The following SLC4A9 variants were observed in gnomAD, a reference collection of about 807,000 sequenced individuals.
SLC4A9 encodes anion exchange protein 4.
A neutral mutation model predicts 103.2 loss-of-function variants in SLC4A9; 102 were observed. The ratio of observed to expected loss-of-function variants is 0.99; its 90% CI spans 0.84 to 1.17. SLC4A9 has a LOEUF of 1.17. SLC4A9 is among the 50% of genes most tolerant of loss of function. The probability of loss-of-function intolerance (pLI) is 0.00; values close to 1 mark genes in which losing one functional copy is unlikely to be tolerated. For synonymous variants in SLC4A9, 453 were observed against 483.6 expected (o/e 0.94, Z 0.83); for missense variants, 1,091 against 1,193.7 (o/e 0.91, Z 1.27).
At chr5:140,372,143 A>C in intron 19 of SLC4A9, 99 bp from the exon 20 acceptor site, 1 of 1,075,726 alleles carries the variant, frequency 9.3e-7, no homozygotes, top group Non-Finnish European at 1.3e-6. Context: ...AAACTGATAT[A>C]CAATGCCTAG....
chr5:140,361,174 G>A, intron 2 of SLC4A9, 80 bp from the exon 3 acceptor site: 1 of 1,344,826 alleles, frequency 7.4e-7, no homozygotes, highest in East Asian at 2.5e-5. Context: ...GAAGGGAAAG[G>A]TGTCTGGGCA....
Position 140,363,973 on chromosome 5 carries a change from G to A in SLC4A9, c.1254+71G>A, listed in dbSNP as rs1352763313. On this transcript the variant is annotated intron_variant, in intron 9 of 21. Transcript: ENST00000506757. The surrounding 1 kb of genome is among the most constrained non-coding windows in gnomAD (Gnocchi z 4.5). The stretch of plus-strand genomic sequence containing the variant: ...TCCATCCCTTCCCCTGGGACTATGG[G>A]TAAGTTAAGGAGGCTCTCCCAAAGC... 2 of 1,569,446 alleles carry A rather than the reference G, an allele frequency of 1.3e-6. No individual in the cohort carries two copies. Among genetic ancestry groups the A allele is most frequent in the Admixed American group, 1.8e-5 (1 of 55,002 alleles).
At position 140,366,027 on chromosome 5, in the gene SLC4A9, G is replaced by A. The variant is rs1409108789; in HGVS notation, c.1899+5G>A. The A allele has an allele frequency of 6.2e-7, 1 of 1,613,750 alleles. No homozygotes were observed. The highest frequency in any genetic ancestry group is 8.5e-7 in the Non-Finnish European group (1 of 1,179,776). ...AGCCGCTTCTTCCCCTCTGTGGTGA[G>A]TTTCACCTTTCTTTCTGTGGGAGAG... On this transcript the variant is annotated splice_donor_5th_base_variant and intron_variant, in intron 13 of 21. Coordinates refer to ENST00000506757, the MANE Select transcript of SLC4A9 (RefSeq NM_031467.3).
Position 140,367,884 on chromosome 5 carries a change from C to G in SLC4A9, c.2340C>G (p.Asn780Lys). ...CCTGTGCCCCCGGGGAGCGCCCCAACTTCCTGGGTATCAGGTGAGGGCGGT... is the reference window on the plus strand; with the variant it reads ...CCTGTGCCCCCGGGGAGCGCCCCAAGTTCCTGGGTATCAGGTGAGGGCGGT... ...SRACAPGERPNFLGIREQRLT... is the reference protein window; with the variant it reads ...SRACAPGERPKFLGIREQRLT... Residue 780 changes from asparagine (N) to lysine (K), a missense_variant, in exon 16 of 22, where the codon AAC becomes AAG. Coordinates refer to ENST00000506757, the MANE Select transcript of SLC4A9 (RefSeq NM_031467.3). The G allele has an allele frequency of 6.2e-7, 1 of 1,613,868 alleles. No individual in the cohort carries two copies. The highest frequency in any genetic ancestry group is 8.5e-7 in the Non-Finnish European group (1 of 1,179,838).
intron 11 of SLC4A9, among the ~76,000 whole-genome samples, chr5:140,365,230 G>C (rs1353551741): frequency 6.6e-6 from 1 of 152,194 alleles, no homozygotes; most frequent in Non-Finnish European, 1.5e-5. Flanking sequence ...TTCTAGCCCT[G>C]GTGGAAACAC....
In SLC4A9 at chr5:140,365,616, G is replaced by C. The variant is rs1373474640; in HGVS notation, c.1710+38G>C. 3 of 1,598,708 alleles carry C rather than the reference G, an allele frequency of 1.9e-6. No individual in the cohort carries two copies. The South Asian group carries it at 3.4e-5, about 18-fold the overall frequency. ...TCCTGGGAGGTTCTAGGAAGGAAAG[G>C]GTGGAGACCAAGGCAGTCGGTGGTT... On this transcript the variant is annotated intron_variant, in intron 12 of 21. Coordinates refer to ENST00000506757, the MANE Select transcript of SLC4A9 (RefSeq NM_031467.3).
intron 1 of SLC4A9, 171 bp downstream of exon 1, chr5:140,360,637 G>A: frequency 8.4e-7 from 1 of 1,185,534 alleles, no homozygotes; most frequent in Non-Finnish European, 1.2e-6. Flanking sequence ...CTGCAGTCTA[G>A]TTTTGAGATC....
rs1391001804 is a variant in SLC4A9, at chr5:140,363,911, G to A, written c.1254+9G>A. ...CCACTGATGGTGCCCAGGTGGGTAG[G>A]GCCCAGGGGGCAGGCACAAGCGTTG... On this transcript the variant is annotated intron_variant, in intron 9 of 21. Coordinates refer to ENST00000506757, the MANE Select transcript of SLC4A9 (RefSeq NM_031467.3). The surrounding 1 kb of genome is among the most constrained non-coding windows in gnomAD (Gnocchi z 4.5). 2 of 1,612,606 alleles carry A rather than the reference G, an allele frequency of 1.2e-6. No homozygotes were observed. The highest frequency in any genetic ancestry group is 1.1e-5 in the South Asian group (1 of 91,068).
chr5:140,362,961 C>T lies in SLC4A9; in HGVS notation c.857C>T (p.Ala286Val). 6.2e-7 allele frequency: 1 copy of T among 1,613,780 alleles called. No individual in the cohort carries two copies. Among genetic ancestry groups the T allele is most frequent in the South Asian group, 1.1e-5 (1 of 91,054 alleles). ...GCCAGCAACCTTCATGACCTTCTGGCAGCCCTGGATGCATTCCTAGAGGAG... is the reference window on the plus strand; with the variant it reads ...GCCAGCAACCTTCATGACCTTCTGGTAGCCCTGGATGCATTCCTAGAGGAG... ...RRASNLHDLLAALDAFLEEVT... is the reference protein window; with the variant it reads ...RRASNLHDLLVALDAFLEEVT... Residue 286 changes from alanine to valine, a missense_variant, in exon 7 of 22, where the codon GCA (alanine) becomes GTA (valine). By Grantham distance (64) the Ala-to-Val change is moderately conservative (BLOSUM62 0). Transcript: ENST00000506757.
intron 20 of SLC4A9, 141 bp downstream of exon 20, chr5:140,372,538 T>C (rs765754848): frequency 3.0e-5 from 44 of 1,468,968 alleles, no homozygotes; most frequent in Non-Finnish European, 3.8e-5. Context: ...TGTATGGACA[T>C]AGGCAGACTG....
At chr5:140,361,886 CCCTTT>C (rs148468134) in intron 4 of SLC4A9, 23 bp downstream of exon 4, 93,732 of 1,613,606 alleles carry the variant, frequency 0.058, 3,111 homozygotes, top group Admixed American at 0.11. Flanking sequence ...TCCTTGGGGT[CCCTTT>C]CCAGTGGCTG....
chr5:140,364,294 A>G lies in SLC4A9; in HGVS notation c.1389-69A>G, dbSNP rs1447127120. The G allele has an allele frequency of 5.6e-6, 9 of 1,600,750 alleles. No individual in the cohort carries two copies. The Admixed American group carries it at 1.5e-4, about 27-fold the overall frequency. ...GAGCTATCTGTTTGGGTTGAGGGAC[A>G]CCTGACCTGGGTTTAGTGGGAAGCA... On this transcript the variant is annotated intron_variant, in intron 10 of 21. Transcript: ENST00000506757.
chr5:140,369,358 C>G (rs1768362873), intron 17 of SLC4A9, among the ~76,000 whole-genome samples: 1 of 151,820 alleles, frequency 6.6e-6, no homozygotes, highest in African/African-American at 2.4e-5. Context: ...TCTCCTTCAC[C>G]AGAGGTATAT....
At position 140,360,329 on chromosome 5, in the gene SLC4A9, T is replaced by C; in HGVS notation, c.93T>C (p.Pro31=). 1 of 1,612,084 alleles carries C rather than the reference T, an allele frequency of 6.2e-7. No homozygotes were observed. The highest frequency in any genetic ancestry group is 8.5e-7 in the Non-Finnish European group (1 of 1,179,076). The change falls in exon 1 of 22, where the codon CCT becomes CCC. Residue 31 remains proline (P), a synonymous_variant. Coordinates refer to ENST00000506757, the MANE Select transcript of SLC4A9 (RefSeq NM_031467.3). ...GGGAGCTGGACAGCAACCCTGACCC[T>C]GGCACCGGCCCCAGCCCTGATGGCC... The part of the protein sequence containing the change: ...PSGELDSNPD[P]GTGPSPDGPS...
chr5:140,363,194 A>C lies in SLC4A9; in HGVS notation c.962+128A>C. ...TATCTTTGGATTTGGAGTCAGGCAG[A>C]CCTAACTCTGAGTTCTGCTGGACTA... On this transcript the variant is annotated intron_variant, in intron 7 of 21. Transcript: ENST00000506757. The surrounding 1 kb of genome is among the most constrained non-coding windows in gnomAD (Gnocchi z 4.5). 1 of 1,265,390 alleles carries C rather than the reference A, an allele frequency of 7.9e-7. No individual in the cohort carries two copies. The allele number at this position is 1,265,390 out of a possible 1,614,324, so 78.4% of individuals were successfully genotyped here.
Position 140,367,560 on chromosome 5 carries a change from C to T in SLC4A9, c.2154C>T (p.Asn718=), listed in dbSNP as rs1422042602. The stretch of plus-strand genomic sequence containing the variant: ...AACAGATCACAGCAGTCATCCTCAA[C>T]CGCATGGAATACAGACTGCAGGTAA... ...MDQQITAVIL[N]RMEYRLQKGA... Residue 718 remains asparagine, a synonymous_variant, in exon 15 of 22, where the codon AAC becomes AAT. Transcript: ENST00000506757. 1.9e-6 allele frequency: 3 copies of T among 1,603,570 alleles called. No homozygotes were observed. Among genetic ancestry groups the T allele is most frequent in the African/African-American group, 2.7e-5 (2 of 74,640 alleles).
Position 140,363,172 on chromosome 5 carries a change from C to G in SLC4A9, c.962+106C>G. On this transcript the variant is annotated intron_variant, in intron 7 of 21. Transcript: ENST00000506757. This position sits in a 1 kb window ranked among gnomAD's most constrained non-coding sequence, Gnocchi z 4.5. ...TCCCAGGAAAGAGATAGGGACCTAT[C>G]TTTGGATTTGGAGTCAGGCAGACCT... 1 of 1,438,634 alleles carries G rather than the reference C, an allele frequency of 7.0e-7. No homozygotes were observed. The highest frequency in any genetic ancestry group is 9.4e-7 in the Non-Finnish European group (1 of 1,066,302). The allele number at this position is 1,438,634 out of a possible 1,614,324, so 89.1% of individuals were successfully genotyped here.
intron 19 of SLC4A9, among the ~76,000 whole-genome samples, chr5:140,371,836 C>T (rs1203125907): frequency 1.3e-5 from 2 of 152,230 alleles, no homozygotes; most frequent in Non-Finnish European, 2.9e-5. Flanking sequence ...TTTTCCCAAC[C>T]TCTTTGGAGT....
intron 21 of SLC4A9, 75 bp from the exon 22 acceptor site, chr5:140,374,752 C>T (rs1162672639): frequency 1.3e-5 from 2 of 152,118 alleles, no homozygotes; most frequent in African/African-American, 4.8e-5. Flanking sequence ...GCTTTGGCCT[C>T]ACCATGTCTT....
Sources: gnomAD v4.1 joint callset for allele counts (sites outside exome capture counted in the v4.1 genomes callset) on GRCh38, gnomAD v4.1.1 for gene constraint, Gnocchi (gnomAD v3.1) non-coding constraint, MANE v1.5 for transcripts, NCBI Gene and HGNC (gene_info 2026-07-23, HGNC 2026-07-21) for gene names.